Variants in DCC observed in about 807,000 individuals in gnomAD.
DCC encodes netrin receptor DCC.
Under a neutral mutation model 172.5 loss-of-function variants are expected in DCC, and 58 were observed. The observed-to-expected ratio is 0.34, with a 90% CI of 0.27 to 0.42. The LOEUF (loss-of-function observed/expected upper bound fraction) is 0.42. DCC is among the 10% of genes least tolerant of loss of function. The pLI, the probability that DCC is intolerant of heterozygous loss-of-function variation, is 1.00. For synonymous variants in DCC, 709 were observed against 644.5 expected, an observed-to-expected ratio of 1.10 and a Z score of -1.52; for missense variants, 1,740 against 1,791.0, an observed-to-expected ratio of 0.97 and a Z score of 0.51.
intron 2 of DCC, among the ~76,000 whole-genome samples, chr18:52,856,625 CAAAAAAAA>C (rs11426617): frequency 2.4e-5 from 2 of 83,006 alleles, no homozygotes; most frequent in African/African-American, 5.5e-5. Context: ...GACTCCATCT[CAAAAAAAA>C]AAAAAAAAAA....
chr18:53,296,296 C>G (rs1002952078), intron 12 of DCC, among the ~76,000 whole-genome samples: 11 of 152,136 alleles, frequency 7.2e-5, no homozygotes, highest in African/African-American at 2.7e-4. Flanking sequence ...CACTGTCACT[C>G]TCTCTTTTTC....
chr18:52,962,751 T>C (rs1469259863), intron 5 of DCC, among the ~76,000 whole-genome samples: 5 of 151,874 alleles, frequency 3.3e-5, no homozygotes, highest in Admixed American at 3.3e-4. Context: ...GTGGCACATA[T>C]ACACCATGGA....
intron 7 of DCC, among the ~76,000 whole-genome samples, chr18:53,073,208 T>C (rs2042678724): frequency 6.6e-6 from 1 of 151,788 alleles, no homozygotes; most frequent in Admixed American, 6.6e-5. Context: ...CACGTTTTTA[T>C]TGGAAGAGGA....
At chr18:53,213,953 T>A (rs1030165878) in intron 11 of DCC, among the ~76,000 whole-genome samples, 1 of 151,860 alleles carries the variant, frequency 6.6e-6, no homozygotes, top group African/African-American at 2.4e-5. Flanking sequence ...ATTTTTATTA[T>A]AATTTATAAA....
intron 5 of DCC, among the ~76,000 whole-genome samples, chr18:53,022,866 G>A (rs2143927297): frequency 6.6e-6 from 1 of 152,038 alleles, no homozygotes; most frequent in South Asian, 2.1e-4. Flanking sequence ...AATAAGTTTT[G>A]TATTATTGGA....
chr18:52,592,256 C>G (rs970335746), intron 1 of DCC, among the ~76,000 whole-genome samples: 1 of 152,182 alleles, frequency 6.6e-6, no homozygotes, highest in Non-Finnish European at 1.5e-5. Context: ...CAACACTTCT[C>G]TAGGGCACTG....
At chr18:52,392,481 G>C (rs1006523491) in intron 1 of DCC, among the ~76,000 whole-genome samples, 1 of 152,044 alleles carries the variant, frequency 6.6e-6, no homozygotes, top group Non-Finnish European at 1.5e-5. Flanking sequence ...AGTGAGAAAG[G>C]GTAGTATATG....
chr18:52,894,588 G>C (rs536221069), intron 2 of DCC, among the ~76,000 whole-genome samples: 1 of 151,872 alleles, frequency 6.6e-6, no homozygotes, highest in Non-Finnish European at 1.5e-5. Context: ...CATGGTTCTG[G>C]AGGCTTAGAA....
intron 5 of DCC, among the ~76,000 whole-genome samples, chr18:52,967,528 A>T (rs896774143): frequency 6.6e-6 from 1 of 152,098 alleles, no homozygotes; most frequent in African/African-American, 2.4e-5. Flanking sequence ...GCTAATAGGA[A>T]TTTGCACCAT....
At chr18:52,815,908 A>T (rs2038288550) in intron 2 of DCC, among the ~76,000 whole-genome samples, 1 of 152,104 alleles carries the variant, frequency 6.6e-6, no homozygotes, top group Non-Finnish European at 1.5e-5. Context: ...AAAGGCCACC[A>T]GTTTGCACAT....
intron 21 of DCC, among the ~76,000 whole-genome samples, chr18:53,432,873 T>G (rs755876293): frequency 1.3e-5 from 2 of 152,170 alleles, no homozygotes; most frequent in Non-Finnish European, 2.9e-5. Flanking sequence ...GATGCCTCTG[T>G]CTTTAGATCA....
At chr18:52,479,947 C>T (rs900042863) in intron 1 of DCC, among the ~76,000 whole-genome samples, 4 of 152,008 alleles carry the variant, frequency 2.6e-5, no homozygotes, top group Non-Finnish European at 4.4e-5. Context: ...TGACAATAGA[C>T]CCTCCTACTA....
At chr18:53,029,344 A>G (rs1387137615) in intron 5 of DCC, among the ~76,000 whole-genome samples, 1 of 152,204 alleles carries the variant, frequency 6.6e-6, no homozygotes, top group Non-Finnish European at 1.5e-5. Context: ...TGTTCATGAG[A>G]TCCTGAAATG....
At chr18:52,384,672 G>T (rs373959916) in intron 1 of DCC, among the ~76,000 whole-genome samples, 3 of 152,088 alleles carry the variant, frequency 2.0e-5, no homozygotes, top group African/African-American at 7.2e-5. Flanking sequence ...TTACCAAGTC[G>T]TCTTTTTTAT....
At chr18:52,514,029 G>T (rs2031537006) in intron 1 of DCC, among the ~76,000 whole-genome samples, 1 of 151,956 alleles carries the variant, frequency 6.6e-6, no homozygotes, top group Non-Finnish European at 1.5e-5. Context: ...AGATAGTTTG[G>T]ACTTTAAAAG....
chr18:52,544,288 C>T (rs557273701), intron 1 of DCC, among the ~76,000 whole-genome samples: 49 of 152,312 alleles, frequency 3.2e-4, no homozygotes, highest in African/African-American at 1.2e-3. Context: ...GACATTTTCA[C>T]CTTGTCATGC....
rs764520543 is a variant in DCC at position 53,402,884 on chromosome 18, A to G, written c.2926A>G (p.Lys976Glu). Residue 976 changes from lysine to glutamate, a missense_variant, in exon 19 of 29, where the codon AAA becomes GAA. This residue lies in a region of DCC where 1,732 missense variants were observed against 1,767.4 expected (regional missense o/e 0.98). Coordinates refer to ENST00000442544, the MANE Select transcript of DCC (RefSeq NM_005215.4). ...GCAGCCTCCCTTGGAAGCCAATGGG[A>G]AAATTACTGGTAAGCATCTCCACTT... ...SWQPPLEANG[K>E]ITAYILFYTL... The G allele has an allele frequency of 6.2e-7, 1 of 1,610,622 alleles. No homozygotes were observed. The highest frequency in any genetic ancestry group is 8.5e-7 in the Non-Finnish European group (1 of 1,176,832).
chr18:52,769,175 A>G (rs1431741), intron 2 of DCC, among the ~76,000 whole-genome samples: 31,978 of 152,158 alleles, frequency 0.21, 4,804 homozygotes, highest in African/African-American at 0.42. Context: ...CAAAGTGGAT[A>G]TACCATTTTG....
At chr18:53,032,783 G>C (rs916384695) in intron 5 of DCC, among the ~76,000 whole-genome samples, 7 of 152,080 alleles carry the variant, frequency 4.6e-5, no homozygotes, top group African/African-American at 1.7e-4. Context: ...GCAGAGTTTG[G>C]AGCCCTGTAG....
Sources: allele counts gnomAD v4.1 joint callset (sites outside exome capture counted in the v4.1 genomes callset), GRCh38; gene constraint gnomAD v4.1.1; regional missense constraint gnomAD v4.1.1; transcripts MANE v1.5; gene names NCBI Gene and HGNC (gene_info 2026-07-23, HGNC 2026-07-21).